The following MSI2 variants were observed in gnomAD, a reference collection of about 807,000 sequenced individuals.
MSI2 encodes the protein musashi RNA binding protein 2, also known as RNA-binding protein Musashi homolog 2.
A neutral mutation model predicts 45.6 loss-of-function variants in MSI2; 17 were observed. The ratio of observed to expected loss-of-function variants is 0.37; its 90% CI spans 0.26 to 0.56. MSI2 has a LOEUF of 0.56. Ranked by LOEUF, MSI2 falls within the 20% of genes least tolerant of loss-of-function variation. The pLI is 0.77. For synonymous variants in MSI2, 156 were observed against 158.2 expected (o/e 0.99, Z 0.11); for missense variants, 293 against 444.2 (o/e 0.66, Z 3.06).
chr17:57,303,671 G>A (rs1010021293), intron 5 of MSI2, among the ~76,000 whole-genome samples: 15 of 152,062 alleles, frequency 9.9e-5, no homozygotes, highest in Admixed American at 7.9e-4. Context: ...TACATCACTC[G>A]GAATACCTGT....
At chr17:57,564,447 G>A (rs2087678974) in intron 7 of MSI2, among the ~76,000 whole-genome samples, 1 of 152,194 alleles carries the variant, frequency 6.6e-6, no homozygotes, top group Non-Finnish European at 1.5e-5. Flanking sequence ...GGGCCTCAGT[G>A]GGTCCAAGTG....
chr17:57,481,303 A>G (rs948950583), intron 6 of MSI2, among the ~76,000 whole-genome samples: 11 of 152,200 alleles, frequency 7.2e-5, no homozygotes, highest in Admixed American at 1.3e-4. Flanking sequence ...AACCAAAATA[A>G]TCTGTAACCT....
At chr17:57,340,473 C>T (rs143918581) in intron 5 of MSI2, among the ~76,000 whole-genome samples, 203 of 152,252 alleles carry the variant, frequency 1.3e-3, no homozygotes, top group African/African-American at 4.7e-3. Flanking sequence ...AATATTAGTT[C>T]CTTCCTTTTG....
At chr17:57,586,492 C>A (rs553898918) in intron 7 of MSI2, among the ~76,000 whole-genome samples, 4 of 128,318 alleles carry the variant, frequency 3.1e-5, no homozygotes, top group Non-Finnish European at 7.0e-5. Context: ...GGGAGGTGCC[C>A]CCATCAGTTA....
intron 7 of MSI2, among the ~76,000 whole-genome samples, chr17:57,568,870 T>C (rs993987619): frequency 6.6e-6 from 1 of 152,028 alleles, no homozygotes; most frequent in Non-Finnish European, 1.5e-5. Flanking sequence ...TGTTTATTGG[T>C]GAGAGAGGAA....
intron 5 of MSI2, among the ~76,000 whole-genome samples, chr17:57,302,282 T>G (rs1206620745): frequency 6.6e-6 from 1 of 152,158 alleles, no homozygotes; most frequent in Non-Finnish European, 1.5e-5. Flanking sequence ...ATACCTTTAT[T>G]TATTTGTTTT....
chr17:57,543,278 G>T (rs12453199), intron 7 of MSI2, among the ~76,000 whole-genome samples: 5 of 152,188 alleles, frequency 3.3e-5, no homozygotes, highest in African/African-American at 4.8e-5. Context: ...GGCTTAAGAG[G>T]GGGGGAAAAT....
chr17:57,390,295 T>C (rs1412742411), intron 5 of MSI2, among the ~76,000 whole-genome samples: 2 of 152,164 alleles, frequency 1.3e-5, no homozygotes, highest in African/African-American at 4.8e-5. Context: ...CCTTGCCATT[T>C]TTCCCGTTAG....
In MSI2 at chr17:57,682,458, AT is replaced by A. The variant is rs1238535635; in HGVS notation, c.*2948del. On this transcript the variant is annotated 3_prime_UTR_variant, in exon 14 of 14. Coordinates refer to ENST00000284073, the MANE Select transcript of MSI2 (RefSeq NM_138962.4). The stretch of plus-strand genomic sequence containing the variant: ...AAATGATTTTACTAAGAGAAAAAAT[AT>A]TTTTTTAAGAATGCTCAGAAGAAAT... The A allele has an allele frequency of 1.5e-5, 3 of 195,472 alleles. No individual in the cohort carries two copies. The highest frequency in any genetic ancestry group is 8.1e-5 in the East Asian group (1 of 12,354). 12.1% of individuals were successfully genotyped at this position (195,472 alleles called of 1,614,324 possible).
intron 5 of MSI2, among the ~76,000 whole-genome samples, chr17:57,346,389 C>T (rs1264782520): frequency 2.0e-5 from 3 of 149,914 alleles, no homozygotes; most frequent in African/African-American, 7.4e-5. Context: ...AAGATGTAAA[C>T]CCATGGAATT....
At chr17:57,383,068 G>T (rs948303486) in intron 5 of MSI2, among the ~76,000 whole-genome samples, 2 of 152,278 alleles carry the variant, frequency 1.3e-5, no homozygotes, top group Non-Finnish European at 1.5e-5. Context: ...TGTAGAACAG[G>T]GTCTGTGTCC....
chr17:57,600,690 TC>T (rs1359245280), intron 8 of MSI2, among the ~76,000 whole-genome samples: 1 of 152,054 alleles, frequency 6.6e-6, no homozygotes, highest in East Asian at 1.9e-4. Context: ...CAGGAATCCT[TC>T]CTTCATTCTC....
intron 6 of MSI2, among the ~76,000 whole-genome samples, chr17:57,509,456 T>C (rs1261028381): frequency 6.6e-6 from 1 of 152,132 alleles, no homozygotes; most frequent in African/African-American, 2.4e-5. Flanking sequence ...GTTTCACTCT[T>C]GTCGCCCAGG....
chr17:57,265,497 A>G (rs1907688874), intron 5 of MSI2: 1 of 152,244 alleles, frequency 6.6e-6, no homozygotes, highest in Admixed American at 6.5e-5. Flanking sequence ...TAGTACTGTC[A>G]TAATATTCTC....
intron 5 of MSI2, among the ~76,000 whole-genome samples, chr17:57,372,227 C>G (rs984003566): frequency 6.6e-6 from 1 of 152,120 alleles, no homozygotes; most frequent in Non-Finnish European, 1.5e-5. Flanking sequence ...CTCTCTCTTT[C>G]GGGTTTATTT....
At chr17:57,393,676 A>G (rs116377109) in intron 5 of MSI2, among the ~76,000 whole-genome samples, 2,329 of 151,810 alleles carry the variant, frequency 0.015, 54 homozygotes, top group African/African-American at 0.051. Flanking sequence ...ATGTTTGTTT[A>G]TTTATTTATT....
intron 6 of MSI2, among the ~76,000 whole-genome samples, chr17:57,502,082 A>G (rs2086119012): frequency 6.6e-6 from 1 of 152,134 alleles, no homozygotes; most frequent in African/African-American, 2.4e-5. Context: ...AAGGCTCAGA[A>G]GGGCCCACCA....
In MSI2 at chr17:57,681,281, A is replaced by C; in HGVS notation, c.*1764A>C. 1 of 182,914 alleles carries C rather than the reference A, an allele frequency of 5.5e-6. No individual in the cohort carries two copies. The highest frequency in any genetic ancestry group is 1.2e-5 in the Non-Finnish European group (1 of 85,912). 11.3% of individuals were successfully genotyped at this position (182,914 alleles called of 1,614,324 possible). On this transcript the variant is annotated 3_prime_UTR_variant, in exon 14 of 14. Coordinates refer to ENST00000284073, the MANE Select transcript of MSI2 (RefSeq NM_138962.4). ...ATATTGGTAATAGGTCGGCAACAGC[A>C]ACTATAGAAGTACAACTCAATAGAT...
At chr17:57,567,109 C>A (rs1206294492) in intron 7 of MSI2, among the ~76,000 whole-genome samples, 2 of 152,198 alleles carry the variant, frequency 1.3e-5, no homozygotes, top group African/African-American at 4.8e-5. Flanking sequence ...ACAATCCATT[C>A]TGTCCCGCAG....
Sources: allele counts gnomAD v4.1 joint callset (sites outside exome capture counted in the v4.1 genomes callset), GRCh38; gene constraint gnomAD v4.1.1; transcripts MANE v1.5; gene names NCBI Gene and HGNC (gene_info 2026-07-23, HGNC 2026-07-21).